Variants in EMCN observed in about 807,000 individuals in gnomAD.
The protein encoded by EMCN is endomucin, also known as MUC-14.
A neutral mutation model predicts 38.4 loss-of-function variants in EMCN; 37 were observed. The ratio of observed to expected loss-of-function variants is 0.96; its 90% CI spans 0.74 to 1.27. The LOEUF (loss-of-function observed/expected upper bound fraction) is 1.27. EMCN is among the 50% of genes most tolerant of loss of function. EMCN has a pLI of 0.00. For missense variants in EMCN, 318 were observed against 302.8 expected (o/e 1.05, Z -0.37); for synonymous variants, 95 against 100.8 (o/e 0.94, Z 0.35).
chr4:100,445,943 A>T, intron 5 of EMCN: 1 of 483,606 alleles, frequency 2.1e-6, no homozygotes, highest in Non-Finnish European at 2.7e-6. Context: ...AAATTAGTTT[A>T]CATAACTCGA....
intron 1 of EMCN, among the ~76,000 whole-genome samples, chr4:100,493,637 T>C (rs1729140917): frequency 6.6e-6 from 1 of 152,264 alleles, no homozygotes; most frequent in African/African-American, 2.4e-5. Context: ...TTTTAGAAAT[T>C]GCAAAATATT....
intron 1 of EMCN, among the ~76,000 whole-genome samples, chr4:100,480,741 G>A (rs1728785347): frequency 3.3e-5 from 5 of 151,608 alleles, no homozygotes; most frequent in Admixed American, 3.3e-4. Flanking sequence ...GCAGGCAAAG[G>A]CACAGAAATG....
rs116444702 is a variant in EMCN, at chr4:100,495,525, A to C, written c.65-15486T>G. ...CATTAGAACAGAGTTAACATTTGTA[A>C]ACTGATTTTTCTGGTTTTGAAGACA... On this transcript the variant is annotated intron_variant, in intron 1 of 11. Coordinates refer to ENST00000296420, the MANE Select transcript of EMCN (RefSeq NM_016242.4). 5.7e-3 allele frequency among the ~76,000 whole-genome samples: 875 copies of C among 152,220 alleles called. 9 individuals are homozygous for C. The highest frequency in any genetic ancestry group is 0.014 in the Admixed American group (211 of 15,298).
At chr4:100,467,188 G>A (rs967469228) in intron 3 of EMCN, among the ~76,000 whole-genome samples, 5 of 152,172 alleles carry the variant, frequency 3.3e-5, no homozygotes, top group African/African-American at 1.2e-4. Flanking sequence ...TATACTACAT[G>A]AAGTAGGCCT....
At chr4:100,415,862 C>T (rs1291743943) in intron 10 of EMCN, 36 bp downstream of exon 10, 2 of 1,422,466 alleles carry the variant, frequency 1.4e-6, no homozygotes, top group Non-Finnish European at 1.9e-6. Context: ...TCTAAAATAA[C>T]TAATTTTCAT....
At position 100,517,921 on chromosome 4, in the gene EMCN, C is replaced by T. The variant is rs377577086; in HGVS notation, c.-7G>A. Reference sequence around the variant, plus strand: ...TCACTTGAAGCAGTTCCATGGTGCCCGTAGATGGTGTCAATATCTTCTTTC... The same window carrying T: ...TCACTTGAAGCAGTTCCATGGTGCCTGTAGATGGTGTCAATATCTTCTTTC... On this transcript the variant is annotated 5_prime_UTR_variant, in exon 1 of 12. Transcript: ENST00000296420. 16 of 1,612,262 alleles carry T rather than the reference C, an allele frequency of 9.9e-6. No homozygotes were observed. The highest frequency in any genetic ancestry group is 4.0e-5 in the African/African-American group (3 of 74,782).
At chr4:100,479,220 T>G (rs1277886111) in intron 2 of EMCN, among the ~76,000 whole-genome samples, 1 of 152,166 alleles carries the variant, frequency 6.6e-6, no homozygotes, top group Non-Finnish European at 1.5e-5. Flanking sequence ...GGTCTTTCTA[T>G]GACCTTAGCA....
intron 1 of EMCN, among the ~76,000 whole-genome samples, chr4:100,515,609 CA>C (rs1364981692): frequency 6.6e-6 from 1 of 152,122 alleles, no homozygotes; most frequent in African/African-American, 2.4e-5. Flanking sequence ...AATTACTACG[CA>C]AAAGAGCATG....
At chr4:100,459,282 A>G (rs909742228) in intron 4 of EMCN, among the ~76,000 whole-genome samples, 3 of 109,490 alleles carry the variant, frequency 2.7e-5, no homozygotes, top group African/African-American at 1.0e-4. Context: ...AGTATATGAC[A>G]ATATTTTGTG....
At chr4:100,423,104 C>A in intron 6 of EMCN, 24 bp from the exon 7 acceptor site, 1 of 1,611,690 alleles carries the variant, frequency 6.2e-7, no homozygotes, top group South Asian at 1.1e-5. Flanking sequence ...AAAAACAAGT[C>A]ACTTTTGGTT....
chr4:100,410,349 T>C lies in EMCN; in HGVS notation c.758A>G (p.His253Arg). 6.2e-7 allele frequency: 1 copy of C among 1,613,742 alleles called. No homozygotes were observed. Among genetic ancestry groups the C allele is most frequent in the Non-Finnish European group, 8.5e-7 (1 of 1,179,742 alleles). ...GTTCTTGGTTTTTCCTTGTGCAGAGTGCTCACCTGAGAACAGAAGATATGT... is the reference window on the plus strand; with the variant it reads ...GTTCTTGGTTTTTCCTTGTGCAGAGCGCTCACCTGAGAACAGAAGATATGT... ...VKTISHESGEHSAQGKTKN is the reference protein window; with the variant it reads ...VKTISHESGERSAQGKTKN The change falls in exon 11 of 12, where the codon CAC (histidine) becomes CGC (arginine). Residue 253 changes from histidine (H) to arginine (R), a missense_variant. By Grantham distance (29) the His-to-Arg change is conservative (BLOSUM62 0). Coordinates refer to ENST00000296420, the MANE Select transcript of EMCN (RefSeq NM_016242.4).
At chr4:100,509,600 C>T (rs948352246) in intron 1 of EMCN, among the ~76,000 whole-genome samples, 1 of 152,084 alleles carries the variant, frequency 6.6e-6, no homozygotes, top group Non-Finnish European at 1.5e-5. Flanking sequence ...CCTAGGAGGG[C>T]GATTTCACAG....
At chr4:100,507,914 CAG>C (rs907757103) in intron 1 of EMCN, among the ~76,000 whole-genome samples, 5 of 152,084 alleles carry the variant, frequency 3.3e-5, no homozygotes, top group African/African-American at 9.7e-5. Context: ...ACTCTCATGA[CAG>C]AGAATTGGCC....
chr4:100,496,368 CA>C (rs1248641781), intron 1 of EMCN, among the ~76,000 whole-genome samples: 1 of 152,106 alleles, frequency 6.6e-6, no homozygotes, highest in Admixed American at 6.5e-5. Flanking sequence ...AAAATGCTGG[CA>C]AAAGGAAATG....
rs1041069297 is a variant in EMCN at position 100,397,411 on chromosome 4, T to C, written c.*1002A>G. 3 of 152,160 alleles carry C rather than the reference T, an allele frequency of 2.0e-5. No individual in the cohort carries two copies. Among genetic ancestry groups the C allele is most frequent in the Non-Finnish European group, 4.4e-5 (3 of 68,030 alleles). 9.4% of individuals were successfully genotyped at this position (152,160 alleles called of 1,614,324 possible). A position where few individuals can be genotyped will look rare whatever the true frequency, so the allele number is the denominator to read the frequency against. On this transcript the variant is annotated 3_prime_UTR_variant, in exon 12 of 12. Transcript: ENST00000296420. ...TTTAGAACAGTGATACAATGAAAAA[T>C]AATATCATAATTATGTATTTATAAA...
At chr4:100,441,992 G>C (rs1324074141) in intron 5 of EMCN, among the ~76,000 whole-genome samples, 1 of 152,120 alleles carries the variant, frequency 6.6e-6, no homozygotes, top group East Asian at 1.9e-4. Flanking sequence ...ATACTTTATA[G>C]ATATGTCATA....
At chr4:100,417,211 T>C in intron 8 of EMCN, 70 bp from the exon 9 acceptor site, 1 of 1,367,156 alleles carries the variant, frequency 7.3e-7, no homozygotes, top group Non-Finnish European at 1.0e-6. Context: ...CAAGCCCCTC[T>C]AACCCCCTCA....
chr4:100,505,298 A>T (rs1729454021), intron 1 of EMCN, among the ~76,000 whole-genome samples: 1 of 151,962 alleles, frequency 6.6e-6, no homozygotes, highest in Non-Finnish European at 1.5e-5. Flanking sequence ...ACAATCTCTC[A>T]TCTCCACACA....
chr4:100,509,185 G>T (rs912753529), intron 1 of EMCN, among the ~76,000 whole-genome samples: 2 of 152,250 alleles, frequency 1.3e-5, no homozygotes, highest in East Asian at 3.9e-4. Context: ...CAGTTAAGTT[G>T]TAACAAAACC....
Sources: gnomAD v4.1 joint callset for allele counts (sites outside exome capture counted in the v4.1 genomes callset) on GRCh38, gnomAD v4.1.1 for gene constraint, MANE v1.5 for transcripts, NCBI Gene and HGNC (gene_info 2026-07-23, HGNC 2026-07-21) for gene names.